The following SNX29 variants were observed in gnomAD, a reference collection of about 807,000 sequenced individuals.
SNX29 encodes sorting nexin 29, also known as sorting nexin-29.
A neutral mutation model predicts 102.1 loss-of-function variants in SNX29; 78 were observed. That is an observed-to-expected ratio of 0.76 (90% CI 0.64 to 0.92). The LOEUF (loss-of-function observed/expected upper bound fraction) is 0.92. Among genes scored for constraint, SNX29 ranks in the 40% least tolerant of loss-of-function variants. The pLI is 0.00. For missense variants in SNX29, 1,280 were observed against 1,061.7 expected, an observed-to-expected ratio of 1.21 and a Z score of -2.86; for synonymous variants, 580 against 414.5, an observed-to-expected ratio of 1.40 and a Z score of -4.85.
intron 11 of SNX29, among the ~76,000 whole-genome samples, chr16:12,125,277 G>A (rs778342371): frequency 2.6e-5 from 4 of 152,224 alleles, no homozygotes; most frequent in East Asian, 1.9e-4. Context: ...CTTCTCCACC[G>A]TTAACCTGAA....
chr16:12,509,170 C>A (rs907138975), intron 19 of SNX29, among the ~76,000 whole-genome samples: 2 of 152,198 alleles, frequency 1.3e-5, no homozygotes, highest in African/African-American at 4.8e-5. Flanking sequence ...ACCACTGCTG[C>A]CATTAAAGCC....
rs1416981971 is a variant in SNX29, at chr16:12,074,020, T to G, written c.1320-4813T>G. On this transcript the variant is annotated intron_variant, in intron 10 of 20. Coordinates refer to ENST00000566228, the MANE Select transcript of SNX29 (RefSeq NM_032167.5). Reference sequence around the variant, plus strand: ...GCCTTTTTTTTGTTTTCCATTTGCTTGGTGGCTCTTCCTCCATCCTTTTAT... The same window carrying G: ...GCCTTTTTTTTGTTTTCCATTTGCTGGGTGGCTCTTCCTCCATCCTTTTAT... 2.6e-5 allele frequency among the ~76,000 whole-genome samples: 4 copies of G among 152,240 alleles called. 1 individual carries two copies. In the East Asian group the frequency reaches 7.7e-4, roughly 29 times the overall value.
chr16:12,285,808 A>G (rs965772192), intron 15 of SNX29, among the ~76,000 whole-genome samples: 9 of 152,326 alleles, frequency 5.9e-5, no homozygotes, highest in African/African-American at 2.2e-4. Context: ...TGAGATCTAC[A>G]TTAAACTGAT....
chr16:12,439,478 G>A (rs2085700218), intron 18 of SNX29, among the ~76,000 whole-genome samples: 1 of 152,208 alleles, frequency 6.6e-6, no homozygotes, highest in South Asian at 2.1e-4. Context: ...TGACTGGGGA[G>A]GCCTCACAAT....
intron 20 of SNX29, among the ~76,000 whole-genome samples, chr16:12,535,539 C>G (rs764817587): frequency 1.4e-4 from 22 of 152,178 alleles, no homozygotes; most frequent in Non-Finnish European, 2.6e-4. Context: ...GCCATAGTCT[C>G]ACAGCTGGGA....
At chr16:12,463,851 TGTGAGA>T (rs1178095061) in intron 18 of SNX29, among the ~76,000 whole-genome samples, 1 of 137,890 alleles carries the variant, frequency 7.3e-6, no homozygotes, top group East Asian at 2.2e-4. Context: ...TGTGTGTGTG[TGTGAGA>T]GATGACACTT....
intron 19 of SNX29, among the ~76,000 whole-genome samples, chr16:12,504,699 A>G (rs1357947471): frequency 1.3e-5 from 2 of 152,166 alleles, no homozygotes; most frequent in Non-Finnish European, 2.9e-5. Context: ...TAATTGTTCT[A>G]TTTGATTATT....
intron 11 of SNX29, among the ~76,000 whole-genome samples, chr16:12,108,763 C>A (rs1251032416): frequency 6.6e-6 from 1 of 152,154 alleles, no homozygotes; most frequent in African/African-American, 2.4e-5. Context: ...CTGCTCCATC[C>A]ATACACACGA....
chr16:12,558,591 C>T (rs1174438860), intron 20 of SNX29, among the ~76,000 whole-genome samples: 1 of 152,188 alleles, frequency 6.6e-6, no homozygotes, highest in South Asian at 2.1e-4. Flanking sequence ...ACACCTGTCA[C>T]TCTCTGCCAC....
At chr16:12,449,536 T>C (rs1353449764) in intron 18 of SNX29, among the ~76,000 whole-genome samples, 2 of 152,218 alleles carry the variant, frequency 1.3e-5, no homozygotes, top group Non-Finnish European at 2.9e-5. Flanking sequence ...TGTTACTCTC[T>C]GTAAGTCAGT....
chr16:11,986,480 G>T (rs776397847), intron 1 of SNX29, among the ~76,000 whole-genome samples: 5 of 151,038 alleles, frequency 3.3e-5, no homozygotes, highest in Non-Finnish European at 5.9e-5. Flanking sequence ...ATTTAAATTT[G>T]TAGGTATTCC....
intron 1 of SNX29, among the ~76,000 whole-genome samples, chr16:11,978,466 C>G (rs376521069): frequency 1.1e-3 from 161 of 152,294 alleles, no homozygotes; most frequent in African/African-American, 3.7e-3. Flanking sequence ...CTTGTAATGA[C>G]TAAATAACAT....
chr16:12,399,661 G>A (rs942364044), intron 17 of SNX29, among the ~76,000 whole-genome samples: 1 of 152,140 alleles, frequency 6.6e-6, no homozygotes, highest in African/African-American at 2.4e-5. Context: ...GCTTGTGGTG[G>A]CGATGAGTGA....
At chr16:12,469,400 G>T (rs182433819) in intron 18 of SNX29, among the ~76,000 whole-genome samples, 35 of 152,300 alleles carry the variant, frequency 2.3e-4, no homozygotes, top group African/African-American at 7.7e-4. Flanking sequence ...ATTAACACAG[G>T]CCTTGAACCA....
intron 12 of SNX29, among the ~76,000 whole-genome samples, chr16:12,128,935 TCTC>T (rs1313711718): frequency 6.6e-6 from 1 of 152,198 alleles, no homozygotes; most frequent in East Asian, 1.9e-4. Flanking sequence ...CCTGCTGTCT[TCTC>T]CTTTATTTAA....
intron 15 of SNX29, among the ~76,000 whole-genome samples, chr16:12,323,965 T>C (rs1255666031): frequency 6.6e-6 from 1 of 152,114 alleles, no homozygotes; most frequent in Non-Finnish European, 1.5e-5. Flanking sequence ...AATATAGAGA[T>C]TGATTGTAAG....
intron 14 of SNX29, among the ~76,000 whole-genome samples, chr16:12,205,808 A>G (rs908386792): frequency 6.6e-6 from 1 of 152,236 alleles, no homozygotes; most frequent in Admixed American, 6.5e-5. Flanking sequence ...TGCACTGTAC[A>G]GCCCACAAGA....
chr16:12,183,543 G>A (rs2076442026), intron 13 of SNX29, among the ~76,000 whole-genome samples: 1 of 152,128 alleles, frequency 6.6e-6, no homozygotes, highest in Non-Finnish European at 1.5e-5. Context: ...TGTGAAAGTT[G>A]TTTCAGACAT....
intron 15 of SNX29, among the ~76,000 whole-genome samples, chr16:12,285,057 C>CA (rs1286992652): frequency 6.6e-6 from 1 of 152,198 alleles, no homozygotes; most frequent in East Asian, 1.9e-4. Context: ...CCTGATTTCC[C>CA]CACTTTTCTG....
Sources: gnomAD v4.1 joint callset for allele counts (sites outside exome capture counted in the v4.1 genomes callset) on GRCh38, gnomAD v4.1.1 for gene constraint, MANE v1.5 for transcripts, NCBI Gene and HGNC (gene_info 2026-07-23, HGNC 2026-07-21) for gene names.